Variants in SMIM27 observed in about 807,000 individuals in gnomAD.
SMIM27 encodes transition zone microprotein 1, also known as TOPORS antisense RNA 1 (non-protein coding).
Under a neutral mutation model 1.8 loss-of-function variants are expected in SMIM27, and 3 were observed. The ratio of observed to expected loss-of-function variants is 1.65; its 90% CI spans 0.75 to 4.28. The LOEUF is 4.28. Among genes scored for constraint, SMIM27 ranks in the 30% most tolerant of loss-of-function variants. The probability of loss-of-function intolerance (pLI) is 0.02; values close to 1 mark genes in which losing one functional copy is unlikely to be tolerated. For synonymous variants in SMIM27, 19 were observed against 13.9 expected, an observed-to-expected ratio of 1.37 and a Z score of -0.82; for missense variants, 63 against 37.0, an observed-to-expected ratio of 1.70 and a Z score of -1.83.
chr9:32,556,030 G>A (rs774135709), downstream of SMIM27, among the ~76,000 whole-genome samples: 17 of 152,210 alleles, frequency 1.1e-4, no homozygotes, highest in Non-Finnish European at 2.2e-4. Context: ...CAGATCAACA[G>A]AAGTCATATA....
Position 32,558,946 on chromosome 9 carries a change from T to C in SMIM27, c.45+6467T>C, listed in dbSNP as rs577141940. On this transcript the variant is annotated intron_variant, in intron 1 of 1. Transcript: ENST00000451672. ...TGGACTTCTTTTCAACTATGCCATA[T>C]GGTTTTTCCTGTAATAAAAGTTAAC... is the stretch of plus-strand genomic sequence containing the variant. 9 of 1,581,952 alleles carry C rather than the reference T, an allele frequency of 5.7e-6. No individual in the cohort carries two copies. In the Admixed American group the frequency reaches 8.4e-5, roughly 15 times the overall value.
upstream of SMIM27, chr9:32,551,223 C>CT: frequency 1.7e-6 from 1 of 595,132 alleles, no homozygotes; most frequent in East Asian, 2.8e-5. Flanking sequence ...GGGACACTGA[C>CT]TGAATGTTCG....
intron 1 of SMIM27, among the ~76,000 whole-genome samples, chr9:32,560,581 T>G (rs1488994007): frequency 2.0e-5 from 3 of 152,236 alleles, no homozygotes; most frequent in Admixed American, 6.5e-5. Context: ...AGGTTTAGGA[T>G]TCTAGTTAAA....
downstream of SMIM27, chr9:32,554,013 T>C (rs1563990043): frequency 1.2e-5 from 12 of 982,190 alleles, no homozygotes; most frequent in Middle Eastern, 2.2e-4. Flanking sequence ...TATTCTGTTC[T>C]ATGTTCATCA....
downstream of SMIM27, among the ~76,000 whole-genome samples, chr9:32,554,489 CT>C (rs1432129972): frequency 6.6e-6 from 1 of 152,202 alleles, no homozygotes; most frequent in Non-Finnish European, 1.5e-5. Flanking sequence ...GGAACCTCCA[CT>C]GACAAGCTGT....
intron 1 of SMIM27, among the ~76,000 whole-genome samples, chr9:32,561,079 A>T (rs1821611609): frequency 6.6e-6 from 1 of 152,242 alleles, no homozygotes; most frequent in South Asian, 2.1e-4. Flanking sequence ...TATGAACATA[A>T]ACTTTTTTAA....
rs1405603996 is a variant in SMIM27 at position 32,552,434 on chromosome 9, C to T, written c.-1C>T. 5 of 1,609,104 alleles carry T rather than the reference C, an allele frequency of 3.1e-6. No homozygotes were observed. The highest frequency in any genetic ancestry group is 2.2e-5 in the East Asian group (1 of 44,740). On this transcript the variant is annotated 5_prime_UTR_variant, in exon 1 of 2. Coordinates refer to ENST00000692500, the MANE Select transcript of SMIM27 (RefSeq NM_001387564.1). ...CCGCGGACTGCTGCCGCCTCCTTAC[C>T]ATGAAGCCAGTAAGTCGTCGCACGC...
At chr9:32,558,797 T>C in intron 1 of SMIM27, 1 of 718,756 alleles carries the variant, frequency 1.4e-6, no homozygotes, top group Non-Finnish European at 2.2e-6. Flanking sequence ...AACAGGGACT[T>C]AAACCGAAAG....
downstream of SMIM27, among the ~76,000 whole-genome samples, chr9:32,556,349 C>G (rs1010201114): frequency 6.6e-6 from 1 of 152,168 alleles, no homozygotes; most frequent in Non-Finnish European, 1.5e-5. Context: ...TAAAAATCAT[C>G]CCCTGAGACA....
chr9:32,556,846 CTTTTTTTTT>C (rs10703297), downstream of SMIM27, among the ~76,000 whole-genome samples: 3 of 82,340 alleles, frequency 3.6e-5, no homozygotes, highest in African/African-American at 4.7e-5. Flanking sequence ...AAATCCCCTA[CTTTTTTTTT>C]TTTTTTTTTT....
rs1563994931 is a variant in SMIM27, at chr9:32,563,471, G to C, written c.46-2920G>C. ...AGCGATCCTCCTGCTTCAGCCTCCT[G>C]AACAGGTGGGACTATTGGGCTTTTT... is the stretch of plus-strand genomic sequence containing the variant. On this transcript the variant is annotated intron_variant, in intron 1 of 1. Transcript: ENST00000451672. Among the ~76,000 whole-genome samples the C allele has an allele frequency of 3.2e-5, 4 of 125,486 alleles. No homozygotes were observed. In the South Asian group the frequency reaches 1.1e-3, roughly 33 times the overall value. 82.3% of individuals were successfully genotyped at this position (125,486 alleles called of 152,430 possible). A position where few individuals can be genotyped will look rare whatever the true frequency, so the allele number is the denominator to read the frequency against.
chr9:32,551,778 A>C (rs1367347811), upstream of SMIM27: 2 of 450,964 alleles, frequency 4.4e-6, no homozygotes, highest in East Asian at 7.0e-5. Context: ...CTCAACAAAC[A>C]CTTGTTGCTT....
intron 1 of SMIM27, chr9:32,566,311 CT>C: frequency 8.4e-7 from 1 of 1,185,104 alleles, no homozygotes; most frequent in Non-Finnish European, 1.3e-6. Flanking sequence ...TCCCAGTCCA[CT>C]TCTCTTCCAT....
chr9:32,553,509 A>G (rs1269750988), downstream of SMIM27: 1 of 207,924 alleles, frequency 4.8e-6, no homozygotes, highest in Non-Finnish European at 9.8e-6. Context: ...CCTTAAAACA[A>G]AAGTGCATGG....
At chr9:32,559,401 GAA>G (rs1439081166) in intron 1 of SMIM27, among the ~76,000 whole-genome samples, 2 of 152,146 alleles carry the variant, frequency 1.3e-5, no homozygotes, top group East Asian at 1.9e-4. Flanking sequence ...CTATGCAAAT[GAA>G]AAGTCTATTC....
At position 32,552,424 on chromosome 9, in the gene SMIM27, G is replaced by A. The variant is rs1467147353; in HGVS notation, c.-11G>A. 2 of 1,609,394 alleles carry A rather than the reference G, an allele frequency of 1.2e-6. No homozygotes were observed. Among genetic ancestry groups the A allele is most frequent in the Non-Finnish European group, 1.7e-6 (2 of 1,178,298 alleles). ...CCGCCAGCTCCCGCGGACTGCTGCC[G>A]CCTCCTTACCATGAAGCCAGTAAGT... On this transcript the variant is annotated 5_prime_UTR_variant, in exon 1 of 2. Transcript: ENST00000692500.
At chr9:32,566,458 C>G (rs1463448277) in exon 2 of SMIM27, 3 of 812,814 alleles carry the variant, frequency 3.7e-6, no homozygotes, top group Non-Finnish European at 6.7e-6. Flanking sequence ...TCTTGACAAG[C>G]AGCCGTCCAT....
intron 1 of SMIM27, among the ~76,000 whole-genome samples, chr9:32,563,061 TTC>T (rs1445926706): frequency 2.0e-5 from 3 of 152,348 alleles, no homozygotes; most frequent in South Asian, 2.1e-4. Context: ...TGGGTTTATC[TTC>T]TGTTTCCTCA....
chr9:32,559,785 C>T (rs1416391969), intron 1 of SMIM27, among the ~76,000 whole-genome samples: 4 of 151,936 alleles, frequency 2.6e-5, no homozygotes, highest in African/African-American at 7.3e-5. Flanking sequence ...ATTAATATAC[C>T]TCTTTGTTTA....
Sources: allele counts gnomAD v4.1 joint callset (sites outside exome capture counted in the v4.1 genomes callset), GRCh38; gene constraint gnomAD v4.1.1; transcripts MANE v1.5; gene names NCBI Gene and HGNC (gene_info 2026-07-23, HGNC 2026-07-21).